Variants in SORCS2 observed in about 807,000 individuals in gnomAD.
SORCS2 encodes VPS10 domain-containing receptor SorCS2.
SORCS2 carries 100 observed loss-of-function variants against 141.6 expected under a neutral mutation model. That is an observed-to-expected ratio of 0.71 (90% confidence interval 0.60 to 0.83). SORCS2 has a LOEUF of 0.83. Ranked by LOEUF, SORCS2 falls within the 40% of genes least tolerant of loss-of-function variation. The probability of loss-of-function intolerance (pLI) is 0.00; values close to 1 mark genes in which losing one functional copy is unlikely to be tolerated. For missense variants in SORCS2, 1,646 were observed against 1,560.2 expected, an observed-to-expected ratio of 1.05 and a Z score of -0.93; for synonymous variants, 789 against 676.9, an observed-to-expected ratio of 1.17 and a Z score of -2.57.
At chr4:7,358,276 C>T (rs975363524) in intron 1 of SORCS2, among the ~76,000 whole-genome samples, 3 of 152,216 alleles carry the variant, frequency 2.0e-5, no homozygotes, top group African/African-American at 7.2e-5. Flanking sequence ...GCATGCCAGG[C>T]ACTTGCTTAC....
chr4:7,445,533 C>T (rs1285941314), intron 2 of SORCS2, among the ~76,000 whole-genome samples: 2 of 152,048 alleles, frequency 1.3e-5, no homozygotes, highest in Non-Finnish European at 2.9e-5. Context: ...GTGGATGGAG[C>T]GGGGCCGAGG....
chr4:7,722,922 G>A (rs958347000), intron 18 of SORCS2, among the ~76,000 whole-genome samples: 1 of 152,146 alleles, frequency 6.6e-6, no homozygotes, highest in Admixed American at 6.5e-5. Context: ...GTTTCCTCGT[G>A]CCCCTGGTGC....
intron 3 of SORCS2, among the ~76,000 whole-genome samples, chr4:7,568,608 G>T (rs1191190212): frequency 5.3e-5 from 8 of 152,126 alleles, no homozygotes; most frequent in Non-Finnish European, 1.2e-4. Flanking sequence ...AGAGGGATGT[G>T]GCATGATCTA....
chr4:7,455,540 C>G (rs1345619761), intron 2 of SORCS2, among the ~76,000 whole-genome samples: 1 of 133,628 alleles, frequency 7.5e-6, no homozygotes, highest in Non-Finnish European at 1.6e-5. Context: ...TAGTGTCATG[C>G]GCCACGTTAG....
At chr4:7,550,108 C>T (rs1429836994) in intron 3 of SORCS2, among the ~76,000 whole-genome samples, 1 of 86,198 alleles carries the variant, frequency 1.2e-5, no homozygotes, top group Non-Finnish European at 2.4e-5. Context: ...TTTTTTTTTT[C>T]CGTGTGTGTG....
chr4:7,398,126 C>T (rs1013905353), intron 2 of SORCS2, among the ~76,000 whole-genome samples: 5 of 151,734 alleles, frequency 3.3e-5, no homozygotes, highest in African/African-American at 1.2e-4. Context: ...ACGGAGTTGC[C>T]GGCTTAGTTT....
At chr4:7,482,799 C>T (rs1167227276) in intron 2 of SORCS2, among the ~76,000 whole-genome samples, 1 of 147,066 alleles carries the variant, frequency 6.8e-6, no homozygotes, top group Admixed American at 6.7e-5. Context: ...GGCTGCTGTT[C>T]AGACCTGTAT....
chr4:7,304,415 T>C (rs1717645326), intron 1 of SORCS2, among the ~76,000 whole-genome samples: 1 of 152,202 alleles, frequency 6.6e-6, no homozygotes, highest in African/African-American at 2.4e-5. Flanking sequence ...AGCATCTATT[T>C]AGCATCTCTT....
chr4:7,629,258 TAATAAA>T (rs1176680737), intron 3 of SORCS2, among the ~76,000 whole-genome samples: 1 of 152,086 alleles, frequency 6.6e-6, no homozygotes, highest in Non-Finnish European at 1.5e-5. Context: ...GAAGTGATAT[TAATAAA>T]AATAAAAATA....
At position 7,440,616 on chromosome 4, in the gene SORCS2, T is replaced by G. The variant is rs373010771; in HGVS notation, c.548+44261T>G. On this transcript the variant is annotated intron_variant, in intron 2 of 26. Coordinates refer to ENST00000507866, the MANE Select transcript of SORCS2 (RefSeq NM_020777.3). ...GGGCTTGCCCAGCCTGCTCTGGAAC[T>G]TGGGGGCCTAGACAGCACCATCTTA... Among the ~76,000 whole-genome samples the G allele has an allele frequency of 8.5e-5, 13 of 152,328 alleles. No individual in the cohort carries two copies. In the East Asian group the frequency reaches 1.9e-3, roughly 23 times the overall value.
intron 1 of SORCS2, among the ~76,000 whole-genome samples, chr4:7,231,657 A>G (rs36038409): frequency 0.019 from 2,849 of 152,342 alleles, 88 homozygotes; most frequent in African/African-American, 0.065. Flanking sequence ...TGAAGCAGAA[A>G]GTGGACCATC....
chr4:7,266,864 C>A (rs1249022161), intron 1 of SORCS2, among the ~76,000 whole-genome samples: 1 of 152,182 alleles, frequency 6.6e-6, no homozygotes, highest in Non-Finnish European at 1.5e-5. Flanking sequence ...GCTCGAGTCC[C>A]AGCTCGGCCC....
chr4:7,627,469 T>TG (rs1719587104), intron 3 of SORCS2, among the ~76,000 whole-genome samples: 2 of 152,132 alleles, frequency 1.3e-5, no homozygotes, highest in South Asian at 4.1e-4. Context: ...TCCCATGCCA[T>TG]GGGGGGTGAA....
intron 1 of SORCS2, among the ~76,000 whole-genome samples, chr4:7,231,547 A>G (rs905645441): frequency 5.3e-5 from 8 of 152,110 alleles, no homozygotes; most frequent in Non-Finnish European, 1.2e-4. Flanking sequence ...TCATCCATCC[A>G]TCCATCCATC....
At chr4:7,367,893 GC>G (rs989133728) in intron 1 of SORCS2, among the ~76,000 whole-genome samples, 2 of 152,230 alleles carry the variant, frequency 1.3e-5, no homozygotes, top group Non-Finnish European at 2.9e-5. Context: ...GGCGGAGACA[GC>G]CCCCAGCCCT....
At chr4:7,496,885 C>T (rs1463606855) in intron 2 of SORCS2, among the ~76,000 whole-genome samples, 1 of 152,202 alleles carries the variant, frequency 6.6e-6, no homozygotes, top group African/African-American at 2.4e-5. Context: ...GCCAGAGCTG[C>T]TTCTCCAGGC....
At chr4:7,543,945 C>T (rs1713016078) in intron 3 of SORCS2, among the ~76,000 whole-genome samples, 1 of 147,692 alleles carries the variant, frequency 6.8e-6, no homozygotes, top group Non-Finnish European at 1.5e-5. Context: ...TCCACCCATC[C>T]ATCCATCCAT....
intron 1 of SORCS2, among the ~76,000 whole-genome samples, chr4:7,294,072 C>G (rs1252777540): frequency 5.3e-5 from 8 of 152,232 alleles, no homozygotes; most frequent in Non-Finnish European, 4.4e-5. Flanking sequence ...TCAGGTATGA[C>G]TGAAGCCAAA....
chr4:7,689,442 T>A, intron 10 of SORCS2, 44 bp from the exon 11 acceptor site: 1 of 1,535,324 alleles, frequency 6.5e-7, no homozygotes, highest in Non-Finnish European at 8.8e-7. Flanking sequence ...CTAAGGATGC[T>A]CCTACTCATG....
Sources: allele counts gnomAD v4.1 joint callset (sites outside exome capture counted in the v4.1 genomes callset), GRCh38; gene constraint gnomAD v4.1.1; transcripts MANE v1.5; gene names NCBI Gene and HGNC (gene_info 2026-07-23, HGNC 2026-07-21).